Variants in NAV3 observed in about 807,000 individuals in gnomAD.
The protein encoded by NAV3 is neuron navigator 3.
NAV3 carries 87 observed loss-of-function variants against 244.7 expected under a neutral mutation model. The observed-to-expected ratio is 0.36, with a 90% CI of 0.30 to 0.42. The LOEUF (loss-of-function observed/expected upper bound fraction) is 0.42. Among genes scored for constraint, NAV3 ranks in the 20% least tolerant of loss-of-function variants. The pLI is 1.00. For missense variants in NAV3, 2,663 were observed against 2,893.3 expected, an observed-to-expected ratio of 0.92 and a Z score of 1.83; for synonymous variants, 1,126 against 1,042.2, an observed-to-expected ratio of 1.08 and a Z score of -1.55.
intron 8 of NAV3, among the ~76,000 whole-genome samples, chr12:78,017,757 C>A (rs1051251349): frequency 2.0e-5 from 3 of 152,032 alleles, no homozygotes; most frequent in African/African-American, 7.2e-5. Flanking sequence ...ATGAATCAAC[C>A]CAAATATTTT....
chr12:77,572,452 C>A (rs1469698164), intron 2 of NAV3, among the ~76,000 whole-genome samples: 1 of 152,074 alleles, frequency 6.6e-6, no homozygotes, highest in Non-Finnish European at 1.5e-5. Context: ...TTTCTAAAAT[C>A]CTCTGAATTT....
chr12:77,910,378 A>G (rs1360472399), intron 1 of NAV3, among the ~76,000 whole-genome samples: 1 of 152,002 alleles, frequency 6.6e-6, no homozygotes, highest in Non-Finnish European at 1.5e-5. Flanking sequence ...CAGAGTTAGA[A>G]TTCACTGATT....
intron 2 of NAV3, among the ~76,000 whole-genome samples, chr12:77,673,428 CTG>C (rs1382417112): frequency 1.3e-5 from 2 of 152,002 alleles, no homozygotes; most frequent in African/African-American, 2.4e-5. Context: ...CTAGTAATAA[CTG>C]TTAAGGTTTT....
rs777867475 is a variant in NAV3 at position 77,831,512 on chromosome 12, A to C, written c.51A>C (p.Ser17=). 6.2e-7 allele frequency: 1 copy of C among 1,613,754 alleles called. No individual in the cohort carries two copies. Among genetic ancestry groups the C allele is most frequent in the African/African-American group, 1.3e-5 (1 of 74,898 alleles). The change falls in exon 1 of 40, where the codon TCA becomes TCC. Residue 17 remains serine (S), a synonymous_variant. Transcript: ENST00000397909. ...AACTGAGGCAGCCAGCTGTTGGGTC[A>C]AAGCCTGTGCATACTGCTCTTCCGA... is the stretch of plus-strand genomic sequence containing the variant. ...ASKLRQPAVG[S]KPVHTALPIP... is the part of the protein sequence containing the mutation.
intron 5 of NAV3, among the ~76,000 whole-genome samples, chr12:77,981,949 A>T (rs1869643035): frequency 6.6e-6 from 1 of 152,144 alleles, no homozygotes; most frequent in Non-Finnish European, 1.5e-5. Flanking sequence ...TGTGACTCCA[A>T]GACTGAGGGT....
intron 2 of NAV3, among the ~76,000 whole-genome samples, chr12:77,681,816 C>T (rs770035139): frequency 6.6e-6 from 1 of 152,172 alleles, no homozygotes; most frequent in Non-Finnish European, 1.5e-5. Flanking sequence ...GAAATTACTC[C>T]TTTAATTTCT....
At chr12:77,672,867 T>C (rs779210089) in intron 2 of NAV3, among the ~76,000 whole-genome samples, 62 of 152,270 alleles carry the variant, frequency 4.1e-4, no homozygotes, top group Admixed American at 2.4e-3. Context: ...TTTTAGTTAG[T>C]GTAAAATTGA....
chr12:77,930,545 T>C (rs897012611), intron 1 of NAV3, among the ~76,000 whole-genome samples: 1 of 152,180 alleles, frequency 6.6e-6, no homozygotes, highest in Non-Finnish European at 1.5e-5. Flanking sequence ...TTCCCTAGTG[T>C]TAACAATTCT....
chr12:77,808,939 C>T (rs1419205249), intron 2 of NAV3, among the ~76,000 whole-genome samples: 2 of 152,118 alleles, frequency 1.3e-5, no homozygotes, highest in Non-Finnish European at 2.9e-5. Context: ...TGGGCTCCGC[C>T]CAGTTCGAAT....
intron 2 of NAV3, among the ~76,000 whole-genome samples, chr12:77,814,845 G>A (rs867617030): frequency 6.6e-6 from 1 of 152,134 alleles, no homozygotes; most frequent in Non-Finnish European, 1.5e-5. Flanking sequence ...GTGAGGTTGG[G>A]GACTTCAAGA....
intron 2 of NAV3, among the ~76,000 whole-genome samples, chr12:77,813,459 G>A (rs916454286): frequency 6.6e-6 from 1 of 152,096 alleles, no homozygotes; most frequent in Non-Finnish European, 1.5e-5. Context: ...GATCTTAGAA[G>A]ACCCTGAAGA....
rs113536248 is a variant in NAV3 at position 77,781,843 on chromosome 12, G to A, written c.73-158476G>A. ...TGCTTCTTCAAAGAGAGAAAGAGAA[G>A]AGAGAATGACTAGGGCAAGTGTTTG... On this transcript the variant is annotated intron_variant, in intron 2 of 8. Transcript: ENST00000550042. Among the ~76,000 whole-genome samples the A allele has an allele frequency of 1.7e-3, 252 of 152,228 alleles. 2 individuals are homozygous for A. Among genetic ancestry groups the A allele is most frequent in the African/African-American group, 5.9e-3 (245 of 41,558 alleles).
At chr12:78,190,920 T>C (rs561343321) in intron 34 of NAV3, among the ~76,000 whole-genome samples, 1 of 152,280 alleles carries the variant, frequency 6.6e-6, no homozygotes, top group South Asian at 2.1e-4. Context: ...CTAACATATT[T>C]TTAACACTAA....
intron 8 of NAV3, among the ~76,000 whole-genome samples, chr12:78,012,258 T>A (rs1210565646): frequency 2.0e-5 from 3 of 152,054 alleles, no homozygotes; most frequent in African/African-American, 7.3e-5. Context: ...AGCCCTTGTC[T>A]CCTAGTCCAA....
intron 28 of NAV3, among the ~76,000 whole-genome samples, chr12:78,178,481 G>A (rs1430839577): frequency 3.9e-5 from 6 of 151,910 alleles, no homozygotes; most frequent in Admixed American, 6.6e-5. Context: ...TAATATTTTT[G>A]GACCATGTTT....
At chr12:78,115,328 T>C (rs958250588) in intron 12 of NAV3, among the ~76,000 whole-genome samples, 1 of 152,156 alleles carries the variant, frequency 6.6e-6, no homozygotes. Context: ...CTGGCACCAA[T>C]TTACTGTATT....
chr12:77,881,581 G>A (rs1458510728), intron 1 of NAV3, among the ~76,000 whole-genome samples: 3 of 152,082 alleles, frequency 2.0e-5, no homozygotes, highest in South Asian at 2.1e-4. Context: ...CCTAGTCAGA[G>A]CAATTAGTGA....
intron 1 of NAV3, among the ~76,000 whole-genome samples, chr12:77,933,430 C>G (rs887635616): frequency 6.6e-6 from 1 of 152,196 alleles, no homozygotes; most frequent in African/African-American, 2.4e-5. Context: ...AGGAAATTAT[C>G]AGACTTCAAT....
At chr12:78,162,642 C>T (rs2853480) in intron 23 of NAV3, among the ~76,000 whole-genome samples, 6,907 of 150,944 alleles carry the variant, frequency 0.046, 191 homozygotes, top group Non-Finnish European at 0.072. Flanking sequence ...GGCAGGTGGA[C>T]TCCCTGAGAT....
Sources: gnomAD v4.1 joint callset for allele counts (sites outside exome capture counted in the v4.1 genomes callset) on GRCh38, gnomAD v4.1.1 for gene constraint, MANE v1.5 for transcripts, NCBI Gene and HGNC (gene_info 2026-07-23, HGNC 2026-07-21) for gene names.